Variants in CKM observed in about 807,000 individuals in gnomAD.
The protein encoded by CKM is creatine kinase, M-type.
Under a neutral mutation model 35.4 loss-of-function variants are expected in CKM, and 28 were observed. The ratio of observed to expected loss-of-function variants is 0.79; its 90% confidence interval spans 0.59 to 1.08. The LOEUF (loss-of-function observed/expected upper bound fraction) is 1.08. CKM is among the 50% of genes least tolerant of loss of function. The probability of loss-of-function intolerance (pLI) is 0.00; values close to 1 mark genes in which losing one functional copy is unlikely to be tolerated. For synonymous variants in CKM, 215 were observed against 204.4 expected, an observed-to-expected ratio of 1.05 and a Z score of -0.44; for missense variants, 484 against 509.8, an observed-to-expected ratio of 0.95 and a Z score of 0.49.
intron 2 of CKM, 61 bp downstream of exon 2, chr19:45,319,460 A>G: frequency 7.2e-7 from 1 of 1,384,406 alleles, no homozygotes; most frequent in South Asian, 1.2e-5. Context: ...GGATTGGGGC[A>G]TGGCCGGCAG....
At chr19:45,312,811 G>A (rs910414837) in intron 4 of CKM, among the ~76,000 whole-genome samples, 10 of 151,644 alleles carry the variant, frequency 6.6e-5, no homozygotes, top group Admixed American at 1.3e-4. Context: ...AAAATTAGTC[G>A]GCCATGGTGG....
In CKM at chr19:45,307,475, T is replaced by G; in HGVS notation, c.953A>C (p.Gln318Pro). Residue 318 changes from glutamine (Q) to proline (P), a missense_variant, in exon 7 of 8, where the codon CAG (glutamine) becomes CCG (proline). Transcript: ENST00000221476. ...GGGAGCCGTACCTGTACCCCTCTTC[T>G]GCAGACGCAGGCGGGTGAGGATCTC... ...FEEILTRLRL[Q>P]KRGTGGVDTA... The G allele has an allele frequency of 1.2e-6, 2 of 1,613,964 alleles. No individual in the cohort carries two copies. The highest frequency in any genetic ancestry group is 1.7e-6 in the Non-Finnish European group (2 of 1,179,880).
At chr19:45,308,576 T>C in intron 5 of CKM, 44 bp from the exon 6 acceptor site, 1 of 1,611,848 alleles carries the variant, frequency 6.2e-7, no homozygotes, top group South Asian at 1.1e-5. Flanking sequence ...GTCAGCCCCG[T>C]GGGAACCCCA....
Position 45,315,567 on chromosome 19 carries a change from G to T in CKM, c.379C>A (p.Leu127Ile). The change falls in exon 4 of 8, where the codon CTC (leucine) becomes ATC (isoleucine). Residue 127 changes from leucine (L) to isoleucine (I), a missense_variant. Physicochemically the swap from Leu to Ile is conservative, Grantham distance 5 (BLOSUM62 2). Coordinates refer to ENST00000221476, the MANE Select transcript of CKM (RefSeq NM_001824.5). ...GGDDLDPNYV[L>I]SSRVRTGRSI... ...CGGCCAGTGCGGACGCGGCTGCTGA[G>T]CACGTAGTTAGGGTCCAGGTCGTCT... 1 of 1,604,352 alleles carries T rather than the reference G, an allele frequency of 6.2e-7. No individual in the cohort carries two copies.
chr19:45,309,651 G>A (rs1189700340), intron 5 of CKM, among the ~76,000 whole-genome samples: 1 of 151,750 alleles, frequency 6.6e-6, no homozygotes, highest in African/African-American at 2.4e-5. Context: ...CACTTAAGGT[G>A]AAGAGTTCGA....
intron 4 of CKM, among the ~76,000 whole-genome samples, chr19:45,313,284 C>T (rs1791294303): frequency 6.6e-6 from 1 of 152,054 alleles, no homozygotes. Flanking sequence ...TCTGTCATGG[C>T]GATCCGTGAT....
intron 5 of CKM, among the ~76,000 whole-genome samples, chr19:45,310,759 C>CTTTTTT (rs3047558): frequency 1.6e-4 from 8 of 50,286 alleles, no homozygotes; most frequent in Non-Finnish European, 2.5e-4. Context: ...TCACGCCTGG[C>CTTTTTT]TTTTTTTTTT....
At position 45,308,433 on chromosome 19, in the gene CKM, G is replaced by A. The variant is rs972724420; in HGVS notation, c.753C>T (p.Arg251=). 6.2e-7 allele frequency: 1 copy of A among 1,614,186 alleles called. No individual in the cohort carries two copies. Among genetic ancestry groups the A allele is most frequent in the East Asian group, 2.2e-5 (1 of 44,876 alleles). The change falls in exon 6 of 8, where the codon CGC becomes CGT. Residue 251 remains arginine, a synonymous_variant. Transcript: ENST00000221476. ...EKGGNMKEVF[R]RFCVGLQKIE... ...CCTTCTGCAGCCCTACGCAGAAGCG[G>A]CGGAAAACCTCCTTCATGTTGCCCC... is the stretch of plus-strand genomic sequence containing the variant.
Position 45,319,702 on chromosome 19 carries a change from AC to A in CKM, c.11del (p.Gly4ValfsTer9), listed in dbSNP as rs1347048694. ...TCAGCTTGAACTTGTTGTGGGTGTT[AC>A]CGAATGGCATGGTGGCGGTGTAGGA... is the stretch of plus-strand genomic sequence containing the variant. MPF[G>X]NTHNKFKLNY... On this transcript the variant is annotated frameshift_variant, in exon 2 of 8. Transcript: ENST00000221476. LOFTEE classifies it high-confidence loss of function. 1.2e-6 allele frequency: 2 copies of A among 1,614,068 alleles called. No individual in the cohort carries two copies. Among genetic ancestry groups the A allele is most frequent in the South Asian group, 2.2e-5 (2 of 91,074 alleles).
intron 5 of CKM, 89 bp from the exon 6 acceptor site, chr19:45,308,621 T>G: frequency 3.0e-5 from 44 of 1,476,070 alleles, no homozygotes; most frequent in East Asian, 1.0e-4. Flanking sequence ...TGCCCACCGA[T>G]GGGGGAAGAG....
chr19:45,306,826 A>C lies in CKM; in HGVS notation c.1070T>G (p.Val357Gly), dbSNP rs1971056560. The part of the protein sequence containing the change: ...VEQVQLVVDG[V>G]KLMVEMEKKL... ...CTTCTCCATTTCCACCATGAGCTTC[A>C]CACCATCCACCACCAGCTGCACCTG... The change falls in exon 8 of 8, where the codon GTG becomes GGG. Residue 357 changes from valine (V) to glycine (G), a missense_variant. Transcript: ENST00000221476. The surrounding 1 kb of genome is among the most constrained non-coding windows in gnomAD (Gnocchi z 4.5). 1 of 1,614,104 alleles carries C rather than the reference A, an allele frequency of 6.2e-7. No individual in the cohort carries two copies. Among genetic ancestry groups the C allele is most frequent in the African/African-American group, 1.3e-5 (1 of 75,030 alleles).
At chr19:45,316,009 C>T (rs1417571853) in intron 3 of CKM, among the ~76,000 whole-genome samples, 2 of 151,126 alleles carry the variant, frequency 1.3e-5, no homozygotes, top group African/African-American at 2.4e-5. Context: ...CCACCATGTT[C>T]GGCTAACTTA....
chr19:45,317,000 C>G (rs1489036314), intron 3 of CKM, among the ~76,000 whole-genome samples: 1 of 151,888 alleles, frequency 6.6e-6, no homozygotes, highest in Non-Finnish European at 1.5e-5. Context: ...TCTTCCTTTT[C>G]TACATGCTTT....
intron 7 of CKM, 136 bp from the exon 8 acceptor site, chr19:45,307,064 C>T (rs1971059918): frequency 8.5e-6 from 7 of 822,244 alleles, no homozygotes; most frequent in East Asian, 2.6e-5. Context: ...ACAGGTAATG[C>T]CTGTTCATTC....
At chr19:45,310,731 G>T (rs1971099866) in intron 5 of CKM, among the ~76,000 whole-genome samples, 1 of 148,076 alleles carries the variant, frequency 6.8e-6, no homozygotes. Context: ...GAGTAGCTGG[G>T]ACCACAGGTA....
At chr19:45,315,085 T>G (rs1025338346) in intron 4 of CKM, among the ~76,000 whole-genome samples, 32 of 152,160 alleles carry the variant, frequency 2.1e-4, no homozygotes, top group African/African-American at 6.3e-4. Flanking sequence ...TTGAATTATC[T>G]TGTTCATCTG....
In CKM at chr19:45,307,525, G is replaced by T. The variant is rs1044619381; in HGVS notation, c.903C>A (p.His301Gln). The T allele has an allele frequency of 1.2e-6, 2 of 1,613,960 alleles. No individual in the cohort carries two copies. Among genetic ancestry groups the T allele is most frequent in the African/African-American group, 2.7e-5 (2 of 74,924 alleles). The change falls in exon 7 of 8, where the codon CAC becomes CAA. Residue 301 changes from histidine to glutamine, a missense_variant. By Grantham distance (24) the His-to-Gln change is conservative. Transcript: ENST00000221476. ...CCTCGAACTTGGGGTGCTTGCTCAG[G>T]TGCGCCAGCTTCACATGCACGCCTC... ...LRGGVHVKLA[H>Q]LSKHPKFEEI...
chr19:45,307,792 C>T, intron 6 of CKM, 142 bp from the exon 7 acceptor site: 1 of 676,830 alleles, frequency 1.5e-6, no homozygotes, highest in East Asian at 2.7e-5. Flanking sequence ...TAGGAGATTC[C>T]GAGGGTGCTG....
In CKM at chr19:45,306,592, G is replaced by T; in HGVS notation, c.*158C>A. ...TCCAGAGGATGGAGCCCATTGGTTGGAACTCTGGTTGAAACTGGAACTCTG... is the reference window on the plus strand; with the variant it reads ...TCCAGAGGATGGAGCCCATTGGTTGTAACTCTGGTTGAAACTGGAACTCTG... On this transcript the variant is annotated 3_prime_UTR_variant, in exon 8 of 8. Transcript: ENST00000221476. The surrounding 1 kb of genome is among the most constrained non-coding windows in gnomAD (Gnocchi z 4.5). The T allele has an allele frequency of 1.4e-6, 1 of 733,350 alleles. No individual in the cohort carries two copies. Among genetic ancestry groups the T allele is most frequent in the Non-Finnish European group, 2.3e-6 (1 of 426,368 alleles). 45.4% of individuals were successfully genotyped at this position (733,350 alleles called of 1,614,324 possible).
Sources: allele counts gnomAD v4.1 joint callset (sites outside exome capture counted in the v4.1 genomes callset), GRCh38; gene constraint gnomAD v4.1.1; non-coding constraint Gnocchi (gnomAD v3.1); transcripts MANE v1.5; gene names NCBI Gene and HGNC (gene_info 2026-07-23, HGNC 2026-07-21).